RARB: variants seen among roughly 807,000 people sequenced by gnomAD.
RARB encodes HBV-activated protein.
Under a neutral mutation model 51.9 loss-of-function variants are expected in RARB, and 17 were observed. The ratio of observed to expected loss-of-function variants is 0.33; its 90% CI spans 0.22 to 0.49. The LOEUF (loss-of-function observed/expected upper bound fraction) is 0.49. Among genes scored for constraint, RARB ranks in the 20% least tolerant of loss-of-function variants. The probability of loss-of-function intolerance (pLI) is 0.99; values close to 1 mark genes in which losing one functional copy is unlikely to be tolerated. For missense variants in RARB, 369 were observed against 550.8 expected (o/e 0.67, Z 3.30); for synonymous variants, 215 against 195.4 (o/e 1.10, Z -0.84).
chr3:25,403,409 A>G (rs1428838677), intron 5 of RARB, among the ~76,000 whole-genome samples: 2 of 152,188 alleles, frequency 1.3e-5, no homozygotes, highest in Non-Finnish European at 2.9e-5. Context: ...CACAAAAATT[A>G]CAAATAAGAA....
intron 5 of RARB, among the ~76,000 whole-genome samples, chr3:25,193,893 T>C (rs567385090): frequency 4.0e-5 from 3 of 74,600 alleles, no homozygotes; most frequent in South Asian, 1.4e-3. Context: ...ATATTCAAAA[T>C]TGTATATGTA....
intron 2 of RARB, among the ~76,000 whole-genome samples, chr3:25,496,842 A>T (rs1412973067): frequency 6.6e-6 from 1 of 152,128 alleles, no homozygotes; most frequent in African/African-American, 2.4e-5. Context: ...CGGTGTCAGC[A>T]GTTCCAGAGT....
chr3:25,001,849 A>G (rs955586974), intron 2 of RARB, among the ~76,000 whole-genome samples: 1 of 152,080 alleles, frequency 6.6e-6, no homozygotes, highest in Non-Finnish European at 1.5e-5. Context: ...TGTTCCATAC[A>G]TCATCTAAAC....
intron 5 of RARB, among the ~76,000 whole-genome samples, chr3:25,334,206 C>A (rs1228595049): frequency 2.6e-5 from 4 of 152,186 alleles, no homozygotes; most frequent in African/African-American, 9.7e-5. Context: ...ATAAATCATG[C>A]TGCTATAAAG....
At chr3:24,963,001 C>T (rs1044447306) in intron 2 of RARB, among the ~76,000 whole-genome samples, 41 of 152,160 alleles carry the variant, frequency 2.7e-4, no homozygotes, top group African/African-American at 9.4e-4. Flanking sequence ...CCTACAGATT[C>T]CTATAATCTT....
chr3:24,877,346 C>CTTTTTTTTTTTTTTTTT lies in RARB; in HGVS notation c.-380+18595_-380+18611dup, dbSNP rs66976672. Among the ~76,000 whole-genome samples the CTTTTTTTTTTTTTTTTT allele has an allele frequency of 5.6e-3, 458 of 81,850 alleles. 73 individuals carry two copies. Among genetic ancestry groups the CTTTTTTTTTTTTTTTTT allele is most frequent in the African/African-American group, 0.014 (268 of 19,434 alleles). The allele number at this position is 81,850 out of a possible 152,430, so 53.7% of individuals were successfully genotyped here. ...ATAGTAATTTTTTAAAGCAATCTTA[C>CTTTTTTTTTTTTTTTTT]TTTTTTTTTTTTTTTTTGGAAAATT... On this transcript the variant is annotated intron_variant, in intron 2 of 11. Coordinates refer to the RARB transcript ENST00000383772.
chr3:25,115,202 G>T (rs1223530344), intron 3 of RARB, among the ~76,000 whole-genome samples: 2 of 151,916 alleles, frequency 1.3e-5, no homozygotes, highest in Non-Finnish European at 2.9e-5. Flanking sequence ...CTAAAAAAAT[G>T]GTTTTACTTA....
intron 2 of RARB, among the ~76,000 whole-genome samples, chr3:24,876,378 AT>A (rs1161652032): frequency 6.6e-6 from 1 of 152,002 alleles, no homozygotes; most frequent in East Asian, 1.9e-4. Context: ...ATTAATTCAC[AT>A]TTTTTCCTAC....
intron 2 of RARB, among the ~76,000 whole-genome samples, chr3:24,897,411 T>C (rs1353489011): frequency 6.6e-6 from 1 of 152,198 alleles, no homozygotes; most frequent in Non-Finnish European, 1.5e-5. Context: ...TGAATTACAC[T>C]TTTGCAAAAG....
At position 25,056,957 on chromosome 3, in the gene RARB, T is replaced by C. The variant is rs150313209; in HGVS notation, c.-379-3168T>C. Among the ~76,000 whole-genome samples the C allele has an allele frequency of 6.6e-5, 10 of 152,170 alleles. No homozygotes were observed. The East Asian group carries it at 1.2e-3, about 18-fold the overall frequency. On this transcript the variant is annotated intron_variant, in intron 2 of 11. Transcript: ENST00000383772. ...TGACTAAGCCTTGAAGTAAACCATA[T>C]GGTTAGTGTATGAGCCTTCATTGTT... is the stretch of plus-strand genomic sequence containing the variant.
intron 3 of RARB, among the ~76,000 whole-genome samples, chr3:25,078,078 T>C (rs781641983): frequency 6.6e-6 from 1 of 152,186 alleles, no homozygotes; most frequent in Non-Finnish European, 1.5e-5. Context: ...TTTTGAGATA[T>C]AGTTTGCCTA....
chr3:24,909,925 G>A (rs935237566), intron 2 of RARB, among the ~76,000 whole-genome samples: 1 of 152,114 alleles, frequency 6.6e-6, no homozygotes. Flanking sequence ...ATTCTCCACA[G>A]TAAAGTGTCG....
At chr3:25,537,474 G>T (rs577803845) in intron 3 of RARB, among the ~76,000 whole-genome samples, 1 of 152,266 alleles carries the variant, frequency 6.6e-6, no homozygotes, top group South Asian at 2.1e-4. Context: ...GCAATACTAT[G>T]CACTGACTCA....
intron 3 of RARB, among the ~76,000 whole-genome samples, chr3:25,072,953 C>A (rs1698799870): frequency 6.6e-6 from 1 of 152,074 alleles, no homozygotes; most frequent in Non-Finnish European, 1.5e-5. Context: ...CCACCTCGGA[C>A]TCCGAAAGTG....
At chr3:25,220,662 A>C (rs893919487) in intron 5 of RARB, among the ~76,000 whole-genome samples, 4 of 152,182 alleles carry the variant, frequency 2.6e-5, no homozygotes, top group Non-Finnish European at 5.9e-5. Flanking sequence ...CCTGTGAAGA[A>C]GATGCCTGCC....
In RARB at chr3:25,345,664, C is replaced by CAAAAAAA. The variant is rs71061207; in HGVS notation, c.179-115513_179-115507dup. Among the ~76,000 whole-genome samples, 130 of 96,500 alleles carry CAAAAAAA rather than the reference C, an allele frequency of 1.3e-3. 1 individual carries two copies. The highest frequency in any genetic ancestry group is 5.7e-3 in the African/African-American group (121 of 21,188). 63.3% of individuals were successfully genotyped at this position (96,500 alleles called of 152,430 possible). A position where few individuals can be genotyped will look rare whatever the true frequency, so the allele number is the denominator to read the frequency against. ...TGGGTGACAGAGTGAGACTCCGTCTCAAAAAAAAAAAAAAAAAAAAAATTC... is the reference window on the plus strand; with the variant it reads ...TGGGTGACAGAGTGAGACTCCGTCTCAAAAAAAAAAAAAAAAAAAAAAAAAAAAATTC... On this transcript the variant is annotated intron_variant, in intron 5 of 11. Transcript: ENST00000383772.
At chr3:24,953,215 G>A (rs1695938003) in intron 2 of RARB, among the ~76,000 whole-genome samples, 1 of 152,088 alleles carries the variant, frequency 6.6e-6, no homozygotes. Context: ...AACCTAAAAT[G>A]AGTAATTCAC....
At chr3:25,393,144 G>T (rs1167715201) in intron 5 of RARB, among the ~76,000 whole-genome samples, 5 of 152,028 alleles carry the variant, frequency 3.3e-5, no homozygotes, top group Non-Finnish European at 5.9e-5. Context: ...CTATTGAGAT[G>T]ACCATGTCAT....
intron 3 of RARB, among the ~76,000 whole-genome samples, chr3:25,107,895 A>G (rs1699536195): frequency 6.6e-6 from 1 of 152,208 alleles, no homozygotes; most frequent in South Asian, 2.1e-4. Context: ...CTTATTAAGT[A>G]GAGAACTTTC....
Sources: allele counts gnomAD v4.1 joint callset (sites outside exome capture counted in the v4.1 genomes callset), GRCh38; gene constraint gnomAD v4.1.1; transcripts MANE v1.5; gene names NCBI Gene and HGNC (gene_info 2026-07-23, HGNC 2026-07-21).